PMP22: variants seen among roughly 807,000 people sequenced by gnomAD.
PMP22 encodes Charcot-Marie-Tooth neuropathy 1A (greatly reduced nerve conduction velocity, hereditary motor sensory neuropathy Ia).
PMP22 carries 2 observed loss-of-function variants against 18.9 expected under a neutral mutation model. The observed-to-expected ratio is 0.11, with a 90% CI of 0.04 to 0.33. The LOEUF is 0.33. Among genes scored for constraint, PMP22 ranks in the 10% least tolerant of loss-of-function variants. PMP22 has a pLI of 1.00. For missense variants in PMP22, 169 were observed against 202.2 expected (o/e 0.84, Z 1.00); for synonymous variants, 95 against 89.2 (o/e 1.07, Z -0.37).
chr17:15,242,520 G>T (rs1816956895), intron 3 of PMP22, among the ~76,000 whole-genome samples: 1 of 152,074 alleles, frequency 6.6e-6, no homozygotes, highest in Non-Finnish European at 1.5e-5. Context: ...ATCTATGACT[G>T]AAGAAAATAA....
chr17:15,252,266 C>A (rs557698461), intron 3 of PMP22, among the ~76,000 whole-genome samples: 1 of 152,078 alleles, frequency 6.6e-6, no homozygotes, highest in Non-Finnish European at 1.5e-5. Context: ...TTGAAGACAG[C>A]GATGATAGGA....
chr17:15,264,282 A>G (rs955240528), intron 1 of PMP22, among the ~76,000 whole-genome samples: 2 of 152,198 alleles, frequency 1.3e-5, no homozygotes, highest in African/African-American at 4.8e-5. Context: ...AGATTTATAA[A>G]TGAAAGTGCA....
chr17:15,239,273 G>A, intron 4 of PMP22, 198 bp downstream of exon 4: 1 of 659,944 alleles, frequency 1.5e-6, no homozygotes, highest in Non-Finnish European at 2.7e-6. Flanking sequence ...GAAGGGGAGA[G>A]TTCTAAGTCC....
Position 15,260,654 on chromosome 17 carries a change from A to G in PMP22, c.74T>C (p.Val25Ala). ...GCCTCCCCGCCAGGCACTCACGCTG[A>G]CGATCGTGGAGACGAACAGCAGCAC... is the stretch of plus-strand genomic sequence containing the variant. ...VLVLLFVSTI[V>A]SQWIVGNGHA... is the part of the protein sequence containing the mutation. The change falls in exon 2 of 5, where the codon GTC becomes GCC. Residue 25 changes from valine (V) to alanine (A), a missense_variant. Transcript: ENST00000312280. 2 of 1,551,986 alleles carry G rather than the reference A, an allele frequency of 1.3e-6. No individual in the cohort carries two copies. The highest frequency in any genetic ancestry group is 1.7e-6 in the Non-Finnish European group (2 of 1,147,094).
chr17:15,243,766 T>G (rs1907551114), intron 3 of PMP22, among the ~76,000 whole-genome samples: 1 of 148,110 alleles, frequency 6.8e-6, no homozygotes, highest in African/African-American at 2.4e-5. Flanking sequence ...TATGTTCAAG[T>G]GCTTATATTA....
chr17:15,253,927 G>T (rs1025551331), intron 3 of PMP22, among the ~76,000 whole-genome samples: 9 of 152,136 alleles, frequency 5.9e-5, no homozygotes, highest in African/African-American at 2.2e-4. Flanking sequence ...ATAAGCTCTT[G>T]TTCACTCTTG....
chr17:15,231,482 G>A (rs1358786486), intron 4 of PMP22, among the ~76,000 whole-genome samples: 2 of 152,166 alleles, frequency 1.3e-5, no homozygotes, highest in African/African-American at 2.4e-5. Context: ...CAAGTGAGTG[G>A]TGGCATTACC....
rs946242667 is a variant in PMP22 at position 15,229,891 on chromosome 17, TA to T, written c.*1025del. 1.9e-4 allele frequency: 29 copies of T among 152,758 alleles called. No individual in the cohort carries two copies. The highest frequency in any genetic ancestry group is 6.5e-4 in the African/African-American group (27 of 41,578). The allele number at this position is 152,758 out of a possible 1,614,324, so 9.5% of individuals were successfully genotyped here. On this transcript the variant is annotated 3_prime_UTR_variant, in exon 5 of 5. Coordinates refer to ENST00000312280, the MANE Select transcript of PMP22 (RefSeq NM_000304.4). ...GAGTCTTAGCATCAGAAGGGCACCA[TA>T]TATACATCTACAGTTGGTGGCCAAT...
In PMP22 at chr17:15,239,694, A is replaced by G. The variant is rs230950; in HGVS notation, c.179-83T>C. On this transcript the variant is annotated intron_variant, in intron 3 of 4. Coordinates refer to ENST00000312280, the MANE Select transcript of PMP22 (RefSeq NM_000304.4). ...CTCGAGGTGCAGGGCCTGAAGGGCC[A>G]TGACTGCTGACAGCACAGTCCTCAC... The G allele has an allele frequency of 0.52, 728,929 of 1,407,614 alleles. 190,817 individuals are homozygous for G. Among genetic ancestry groups the G allele is most frequent in the African/African-American group, 0.72 (51,241 of 70,930 alleles). The allele number at this position is 1,407,614 out of a possible 1,614,324, so 87.2% of individuals were successfully genotyped here.
chr17:15,257,875 A>G (rs532776399), intron 3 of PMP22, among the ~76,000 whole-genome samples: 75 of 152,336 alleles, frequency 4.9e-4, no homozygotes, highest in African/African-American at 1.8e-3. Context: ...CATGTAAATT[A>G]CCAAATTATT....
At chr17:15,243,012 C>A (rs763614294) in intron 3 of PMP22, among the ~76,000 whole-genome samples, 2 of 152,060 alleles carry the variant, frequency 1.3e-5, no homozygotes, top group Non-Finnish European at 2.9e-5. Context: ...CCACATGGCA[C>A]ACCTGTGGGT....
intron 1 of PMP22, among the ~76,000 whole-genome samples, chr17:15,263,777 T>C (rs1909526420): frequency 1.3e-5 from 2 of 152,192 alleles, no homozygotes; most frequent in African/African-American, 4.8e-5. Context: ...TTTAAAACTA[T>C]CGTGTTATCA....
At position 15,230,666 on chromosome 17, in the gene PMP22, A is replaced by G. The variant is rs906448084; in HGVS notation, c.*251T>C. On this transcript the variant is annotated 3_prime_UTR_variant, in exon 5 of 5. Coordinates refer to ENST00000312280, the MANE Select transcript of PMP22 (RefSeq NM_000304.4). ...AGCTACTTCTTTAAGGCTCAACACG[A>G]GGCTGATGGTCAACATAAAAAGCAA... 3.8e-6 allele frequency: 2 copies of G among 521,848 alleles called. No individual in the cohort carries two copies. Among genetic ancestry groups the G allele is most frequent in the African/African-American group, 3.8e-5 (2 of 52,212 alleles). 32.3% of individuals were successfully genotyped at this position (521,848 alleles called of 1,614,324 possible).
In PMP22 at chr17:15,258,741, T is replaced by C; in HGVS notation, c.178+353A>G. 5.6e-6 allele frequency: 2 copies of C among 359,200 alleles called. No individual in the cohort carries two copies. Among genetic ancestry groups the C allele is most frequent in the Non-Finnish European group, 1.1e-5 (2 of 184,208 alleles). The allele number at this position is 359,200 out of a possible 1,614,324, so 22.3% of individuals were successfully genotyped here. On this transcript the variant is annotated intron_variant, in intron 3 of 4. Transcript: ENST00000312280. This position sits in a 1 kb window ranked among gnomAD's most constrained non-coding sequence, Gnocchi z 4.1. The stretch of plus-strand genomic sequence containing the variant: ...ACAGCCACCAAACCAAAGATACACG[T>C]TTGATCCAATGTCCCAAGGGGGTCT...
intron 3 of PMP22, among the ~76,000 whole-genome samples, chr17:15,242,642 C>G (rs1365646494): frequency 6.6e-6 from 1 of 151,954 alleles, no homozygotes; most frequent in East Asian, 1.9e-4. Flanking sequence ...AGCTTCCTTC[C>G]TCAAAATAGA....
chr17:15,238,671 T>C (rs903494284), intron 4 of PMP22, among the ~76,000 whole-genome samples: 66 of 152,198 alleles, frequency 4.3e-4, no homozygotes, highest in African/African-American at 1.5e-3. Flanking sequence ...AGATGTAAGA[T>C]GTAAGATGTA....
intron 3 of PMP22, among the ~76,000 whole-genome samples, chr17:15,242,663 A>T (rs1365372738): frequency 2.0e-5 from 3 of 152,188 alleles, no homozygotes; most frequent in Admixed American, 6.5e-5. Context: ...TGTCAGGTAG[A>T]CCAAAAAGAA....
chr17:15,251,536 C>T (rs1181875465), intron 3 of PMP22: 1 of 154,134 alleles, frequency 6.5e-6, no homozygotes, highest in African/African-American at 2.4e-5. Context: ...AGTTCCCCAT[C>T]AGTGGTAGGA....
chr17:15,234,238 G>T (rs553411182), intron 4 of PMP22, among the ~76,000 whole-genome samples: 2 of 152,334 alleles, frequency 1.3e-5, no homozygotes, highest in Middle Eastern at 6.8e-3. Flanking sequence ...ACTCAGGCAA[G>T]TGGGAACACA....
Sources: allele counts gnomAD v4.1 joint callset (sites outside exome capture counted in the v4.1 genomes callset), GRCh38; gene constraint gnomAD v4.1.1; non-coding constraint Gnocchi (gnomAD v3.1); transcripts MANE v1.5; gene names NCBI Gene and HGNC (gene_info 2026-07-23, HGNC 2026-07-21).